The following DENND5B variants were observed in gnomAD, a reference collection of about 807,000 sequenced individuals.
DENND5B encodes DENN domain containing 5B.
Under a neutral mutation model 140.6 loss-of-function variants are expected in DENND5B, and 34 were observed. The ratio of observed to expected loss-of-function variants is 0.24; its 90% CI spans 0.18 to 0.32. The LOEUF (loss-of-function observed/expected upper bound fraction) is 0.32, where lower values mean the gene tolerates loss of function less well. Among genes scored for constraint, DENND5B ranks in the 10% least tolerant of loss-of-function variants. DENND5B has a pLI of 1.00. For missense variants in DENND5B, 1,142 were observed against 1,560.2 expected (o/e 0.73, Z 4.52); for synonymous variants, 551 against 562.1 (o/e 0.98, Z 0.28).
intron 5 of DENND5B, 39 bp downstream of exon 5, chr12:31,451,901 C>T (rs757143791): frequency 1.9e-6 from 3 of 1,600,846 alleles, no homozygotes; most frequent in Non-Finnish European, 2.6e-6. Context: ...ATAATAAAGC[C>T]ACTAATAACC....
intron 2 of DENND5B, among the ~76,000 whole-genome samples, chr12:31,491,396 G>A (rs1946521943): frequency 6.6e-6 from 1 of 152,156 alleles, no homozygotes; most frequent in Non-Finnish European, 1.5e-5. Flanking sequence ...GAGGTTGTAA[G>A]TAAGCCAAGA....
At chr12:31,396,624 A>AC (rs983819659) in intron 17 of DENND5B, 7 of 151,268 alleles carry the variant, frequency 4.6e-5, no homozygotes, top group East Asian at 2.0e-4. Context: ...GGCACCAAAA[A>AC]CCCCCCCAAA....
intron 1 of DENND5B, among the ~76,000 whole-genome samples, chr12:31,586,883 A>T (rs1328273880): frequency 1.3e-5 from 2 of 152,180 alleles, no homozygotes; most frequent in Admixed American, 1.3e-4. Flanking sequence ...TTAACTTTGA[A>T]ATTAATGCAG....
rs199598605 is a variant in DENND5B, at chr12:31,442,917, T to C, written c.1870A>G (p.Ile624Val). The change falls in exon 7 of 21, where the codon ATT becomes GTT. Residue 624 changes from isoleucine (I) to valine (V), a missense_variant. Transcript: ENST00000389082. ...TCCATTTTCATCAGTCTCTGCTCAA[T>C]TGATTGGGCTATAAATTAAATTTAT... Reference protein sequence around the residue: ...CSTLKEAAQSIEQRLMKMDHT... With the variant: ...CSTLKEAAQSVEQRLMKMDHT... The C allele has an allele frequency of 9.2e-5, 144 of 1,566,638 alleles. No individual in the cohort carries two copies. Among genetic ancestry groups the C allele is most frequent in the Admixed American group, 1.5e-4 (8 of 52,060 alleles).
chr12:31,393,179 A>C (rs1354476588), intron 17 of DENND5B, among the ~76,000 whole-genome samples: 3 of 152,074 alleles, frequency 2.0e-5, no homozygotes, highest in African/African-American at 7.2e-5. Flanking sequence ...CCCTTATGCT[A>C]TCTACCTACG....
chr12:31,517,056 T>A (rs2138969225), intron 1 of DENND5B, among the ~76,000 whole-genome samples: 1 of 152,304 alleles, frequency 6.6e-6, no homozygotes, highest in East Asian at 1.9e-4. Flanking sequence ...GCTATATTCA[T>A]TTCACAACTT....
intron 4 of DENND5B, among the ~76,000 whole-genome samples, chr12:31,457,619 G>C (rs938932635): frequency 1.3e-5 from 2 of 152,010 alleles, no homozygotes; most frequent in Non-Finnish European, 2.9e-5. Flanking sequence ...TCACCTCATT[G>C]TAAAATGATA....
intron 7 of DENND5B, among the ~76,000 whole-genome samples, chr12:31,437,126 A>G (rs1223212801): frequency 6.9e-6 from 1 of 145,716 alleles, no homozygotes; most frequent in Non-Finnish European, 1.5e-5. Context: ...GGCAAAGTCT[A>G]CTATAGCACC....
chr12:31,590,611 A>C, intron 1 of DENND5B, 95 bp downstream of exon 1: 1 of 1,313,786 alleles, frequency 7.6e-7, no homozygotes, highest in Non-Finnish European at 9.7e-7. Context: ...CCGGGAGCTG[A>C]CTTTGTCTGG....
In DENND5B at chr12:31,398,382, GTTTTTTA is replaced by G; in HGVS notation, c.3069-27_3069-21del. ...GGGAATCTGGTAGGACAGAAAACAA[GTTTTTTA>G]TTTTTTATTTTTTTGAGACAGGGTT... On this transcript the variant is annotated intron_variant, in intron 16 of 20. Transcript: ENST00000389082. 6.6e-7 allele frequency: 1 copy of G among 1,519,206 alleles called. No individual in the cohort carries two copies. The highest frequency in any genetic ancestry group is 8.8e-7 in the Non-Finnish European group (1 of 1,135,626). 94.1% of individuals were successfully genotyped at this position (1,519,206 alleles called of 1,614,324 possible). A position where few individuals can be genotyped will look rare whatever the true frequency, so the allele number is the denominator to read the frequency against.
At chr12:31,501,871 A>G (rs1947019747) in intron 1 of DENND5B, among the ~76,000 whole-genome samples, 1 of 152,172 alleles carries the variant, frequency 6.6e-6, no homozygotes, top group Non-Finnish European at 1.5e-5. Context: ...TAACTAATGT[A>G]CCATACTACG....
intron 1 of DENND5B, among the ~76,000 whole-genome samples, chr12:31,582,509 T>A (rs1217738727): frequency 6.6e-6 from 1 of 152,218 alleles, no homozygotes; most frequent in African/African-American, 2.4e-5. Context: ...AGAGGTTTTT[T>A]AAAAAGTTAA....
intron 1 of DENND5B, among the ~76,000 whole-genome samples, chr12:31,569,938 G>A (rs1949759485): frequency 6.6e-6 from 1 of 151,032 alleles, no homozygotes; most frequent in Non-Finnish European, 1.5e-5. Flanking sequence ...GCTCATGCCT[G>A]TAATCCCAAC....
chr12:31,388,477 G>A (rs1162161298), intron 20 of DENND5B, among the ~76,000 whole-genome samples: 1 of 152,088 alleles, frequency 6.6e-6, no homozygotes, highest in Non-Finnish European at 1.5e-5. Context: ...GTTTCAGGAA[G>A]ATAAAACCTC....
At chr12:31,411,886 T>G (rs1942480063) in intron 13 of DENND5B, among the ~76,000 whole-genome samples, 1 of 152,206 alleles carries the variant, frequency 6.6e-6, no homozygotes, top group Non-Finnish European at 1.5e-5. Flanking sequence ...CTGCCTAACT[T>G]TGCTCCTTAG....
At chr12:31,477,619 C>G (rs1271269909) in intron 3 of DENND5B, 1 of 157,202 alleles carries the variant, frequency 6.4e-6, no homozygotes, top group Non-Finnish European at 1.5e-5. Context: ...TTTACCAGGT[C>G]AAGAATTCCA....
intron 14 of DENND5B, among the ~76,000 whole-genome samples, 168 bp downstream of exon 14, chr12:31,409,095 T>C (rs1270724372): frequency 6.6e-6 from 1 of 152,226 alleles, no homozygotes; most frequent in Non-Finnish European, 1.5e-5. Context: ...GCCAAGGGTT[T>C]CCTGTAGCAC....
intron 1 of DENND5B, among the ~76,000 whole-genome samples, chr12:31,552,598 C>T (rs1490879787): frequency 1.3e-5 from 2 of 152,148 alleles, no homozygotes; most frequent in African/African-American, 4.8e-5. Context: ...AGGGAGGATA[C>T]CCTCTTTTTC....
chr12:31,563,890 G>A (rs1171793520), intron 1 of DENND5B, among the ~76,000 whole-genome samples: 2 of 152,228 alleles, frequency 1.3e-5, no homozygotes, highest in African/African-American at 2.4e-5. Flanking sequence ...GCTGAGGTGA[G>A]TGGATCACTT....
Sources: allele counts gnomAD v4.1 joint callset (sites outside exome capture counted in the v4.1 genomes callset), GRCh38; gene constraint gnomAD v4.1.1; transcripts MANE v1.5; gene names NCBI Gene and HGNC (gene_info 2026-07-23, HGNC 2026-07-21).